The following ARHGEF10L variants were observed in gnomAD, a reference collection of about 807,000 sequenced individuals.
ARHGEF10L encodes rho guanine nucleotide exchange factor 10-like protein.
A neutral mutation model predicts 141.2 loss-of-function variants in ARHGEF10L; 69 were observed. The observed-to-expected ratio is 0.49, with a 90% CI of 0.40 to 0.60. The LOEUF is 0.60. Among genes scored for constraint, ARHGEF10L ranks in the 20% least tolerant of loss-of-function variants. The pLI is 0.00. For missense variants in ARHGEF10L, 1,482 were observed against 1,734.3 expected (o/e 0.85, Z 2.58); for synonymous variants, 711 against 718.5 (o/e 0.99, Z 0.17).
chr1:17,549,133 C>T (rs1248683812), intron 1 of ARHGEF10L, among the ~76,000 whole-genome samples: 1 of 151,978 alleles, frequency 6.6e-6, no homozygotes, highest in Admixed American at 6.6e-5. Context: ...AGCGATTCTC[C>T]AGCCTCAGCC....
At chr1:17,517,449 G>C in the ARHGEF10L span, among the ~76,000 whole-genome samples, 5 of 151,922 alleles carry the variant, frequency 3.3e-5, no homozygotes, top group Non-Finnish European at 5.9e-5. Context: ...TCAGCCTCCT[G>C]AGTAGCTAGG....
At chr1:17,599,308 C>T (rs1395301815) in intron 4 of ARHGEF10L, among the ~76,000 whole-genome samples, 1 of 150,982 alleles carries the variant, frequency 6.6e-6, no homozygotes, top group Non-Finnish European at 1.5e-5. Flanking sequence ...TGCACTCCAG[C>T]CTGGGTGACC....
intron 9 of ARHGEF10L, among the ~76,000 whole-genome samples, chr1:17,618,694 G>T (rs941277219): frequency 1.3e-5 from 2 of 152,180 alleles, no homozygotes; most frequent in African/African-American, 2.4e-5. Flanking sequence ...ACCTTGCTCT[G>T]TTGGGGGCTG....
chr1:17,697,277 G>A lies in ARHGEF10L; in HGVS notation c.3737G>A (p.Gly1246Asp). The change falls in exon 29 of 29, where the codon GGC (glycine) becomes GAC (aspartate). Residue 1246 changes from glycine to aspartate, a missense_variant. Around this residue, in one of 3 missense-constraint regions of ARHGEF10L, gnomAD observed 858 missense variants for 966.3 expected, o/e 0.89. Transcript: ENST00000361221. The surrounding 1 kb of genome is among the most constrained non-coding windows in gnomAD (Gnocchi z 4.8). ...CSVAIISGGQ[G>D]YRNFGSALGS... ...GTGGCCATCATCTCCGGCGGGCAGGGCTACCGCAACTTTGGCAGCGCTCTG... is the reference window on the plus strand; with the variant it reads ...GTGGCCATCATCTCCGGCGGGCAGGACTACCGCAACTTTGGCAGCGCTCTG... 1.9e-6 allele frequency: 3 copies of A among 1,612,754 alleles called. No individual in the cohort carries two copies. The highest frequency in any genetic ancestry group is 1.1e-5 in the South Asian group (1 of 91,064).
At chr1:17,556,279 G>C (rs548047704) in intron 1 of ARHGEF10L, among the ~76,000 whole-genome samples, 10,810 of 107,442 alleles carry the variant, frequency 0.1, 824 homozygotes, top group Middle Eastern at 0.17. Flanking sequence ...CGGCGGGGGG[G>C]GGGCCTGGGA....
At chr1:17,663,149 G>T (rs2062737153) in intron 25 of ARHGEF10L, among the ~76,000 whole-genome samples, 1 of 152,216 alleles carries the variant, frequency 6.6e-6, no homozygotes, top group South Asian at 2.1e-4. Flanking sequence ...GGAGAAAATG[G>T]TTCTTGGGTG....
At chr1:17,556,366 A>G (rs539402120) in intron 1 of ARHGEF10L, among the ~76,000 whole-genome samples, 10 of 151,118 alleles carry the variant, frequency 6.6e-5, no homozygotes, top group Non-Finnish European at 1.3e-4. Context: ...TCACCCTTTT[A>G]TGACCTTGGG....
At chr1:17,651,238 C>G (rs922092954) in intron 22 of ARHGEF10L, among the ~76,000 whole-genome samples, 1 of 152,170 alleles carries the variant, frequency 6.6e-6, no homozygotes, top group African/African-American at 2.4e-5. Context: ...AGTCCTGGCC[C>G]TGGTGGAGGC....
At chr1:17,594,179 G>A (rs78476270) in intron 4 of ARHGEF10L, among the ~76,000 whole-genome samples, 5,908 of 151,902 alleles carry the variant, frequency 0.039, 159 homozygotes, top group Non-Finnish European at 0.056. Flanking sequence ...TACATGCTGC[G>A]CTCTGAGAGC....
At chr1:17,652,625 T>G (rs1371535457) in intron 22 of ARHGEF10L, among the ~76,000 whole-genome samples, 2 of 152,090 alleles carry the variant, frequency 1.3e-5, no homozygotes, top group Non-Finnish European at 2.9e-5. Flanking sequence ...GCCTGACTAC[T>G]ACGGTGTCGA....
chr1:17,578,038 T>C (rs1437790781), intron 1 of ARHGEF10L, among the ~76,000 whole-genome samples: 1 of 152,086 alleles, frequency 6.6e-6, no homozygotes, highest in African/African-American at 2.4e-5. Flanking sequence ...GGCCCCAGGG[T>C]AGAGTAGCAG....
intron 26 of ARHGEF10L, among the ~76,000 whole-genome samples, chr1:17,671,117 G>A (rs956002050): frequency 1.3e-5 from 2 of 152,252 alleles, no homozygotes. Flanking sequence ...CCCAGGGCCG[G>A]GCACGGCGCA....
intron 4 of ARHGEF10L, among the ~76,000 whole-genome samples, chr1:17,588,746 A>C (rs1436428805): frequency 1.3e-5 from 2 of 151,926 alleles, no homozygotes; most frequent in African/African-American, 4.8e-5. Flanking sequence ...GAGGAGTCAC[A>C]GAAACTCTCC....
At chr1:17,655,459 CCA>C (rs2062176051) in intron 23 of ARHGEF10L, among the ~76,000 whole-genome samples, 1 of 148,430 alleles carries the variant, frequency 6.7e-6, no homozygotes, top group Non-Finnish European at 1.5e-5. Flanking sequence ...ATCCATCCAT[CCA>C]TCCATCCATC....
At position 17,623,008 on chromosome 1, in the gene ARHGEF10L, C is replaced by T. The variant is rs2060190647; in HGVS notation, c.1033C>T (p.Pro345Ser). 5.6e-6 allele frequency: 9 copies of T among 1,612,994 alleles called. No homozygotes were observed. The highest frequency in any genetic ancestry group is 7.6e-6 in the Non-Finnish European group (9 of 1,179,816). ...LKRILQDYRN[P>S]LMEMEPKALS... The stretch of plus-strand genomic sequence containing the variant: ...CCCTCCCCGGCAGGACTACCGCAAC[C>T]CCCTGATGGAGATGGAGCCCAAGGC... The change falls in exon 12 of 29, where the codon CCC becomes TCC. Residue 345 changes from proline to serine, a missense_variant. Physicochemically the swap from Pro to Ser is moderately conservative, Grantham distance 74 (BLOSUM62 -1). This residue lies in a region of ARHGEF10L where 392 missense variants were observed against 542.1 expected (regional missense o/e 0.72). Coordinates refer to ENST00000361221, the MANE Select transcript of ARHGEF10L (RefSeq NM_018125.4). This position sits in a 1 kb window ranked among gnomAD's most constrained non-coding sequence, Gnocchi z 4.7.
intron 1 of ARHGEF10L, among the ~76,000 whole-genome samples, chr1:17,578,771 T>TA (rs977702436): frequency 2.0e-5 from 3 of 152,270 alleles, no homozygotes; most frequent in East Asian, 3.9e-4. Context: ...ATGCAGCTGT[T>TA]AAAAAAAGTG....
intron 26 of ARHGEF10L, among the ~76,000 whole-genome samples, chr1:17,672,139 G>T (rs2063359946): frequency 6.6e-6 from 1 of 152,108 alleles, no homozygotes; most frequent in African/African-American, 2.4e-5. Flanking sequence ...GGACAGAGAA[G>T]AAACTTCTCT....
chr1:17,606,389 G>T (rs1408496061), intron 6 of ARHGEF10L, among the ~76,000 whole-genome samples: 1 of 151,756 alleles, frequency 6.6e-6, no homozygotes, highest in Non-Finnish European at 1.5e-5. Flanking sequence ...CGCCTCCCGG[G>T]TTCAAGCAAT....
intron 28 of ARHGEF10L, among the ~76,000 whole-genome samples, chr1:17,695,790 T>TG (rs1553249873): frequency 2.0e-5 from 3 of 151,824 alleles, no homozygotes; most frequent in Admixed American, 6.6e-5. Flanking sequence ...CGGGTCCCCC[T>TG]CCACCACCCT....
Sources: allele counts gnomAD v4.1 joint callset (sites outside exome capture counted in the v4.1 genomes callset), GRCh38; gene constraint gnomAD v4.1.1; regional missense constraint gnomAD v4.1.1; non-coding constraint Gnocchi (gnomAD v3.1); transcripts MANE v1.5; gene names NCBI Gene and HGNC (gene_info 2026-07-23, HGNC 2026-07-21).